Variants in GLTP observed in about 807,000 individuals in gnomAD.
GLTP encodes the protein glycolipid transfer protein.
In GLTP, 22 loss-of-function variants were observed where a neutral mutation model predicts 24.0. That is an observed-to-expected ratio of 0.92 (90% confidence interval 0.65 to 1.31). GLTP has a LOEUF of 1.31. GLTP is among the 50% of genes most tolerant of loss of function. GLTP has a pLI of 0.00. For missense variants in GLTP, 224 were observed against 276.6 expected, an observed-to-expected ratio of 0.81 and a Z score of 1.35; for synonymous variants, 92 against 115.9, an observed-to-expected ratio of 0.79 and a Z score of 1.33.
At position 109,851,288 on chromosome 12, in the gene GLTP, GC is replaced by G. The variant is rs1381000734; in HGVS notation, c.*1266del. The G allele has an allele frequency of 3.9e-5, 6 of 152,350 alleles. No homozygotes were observed. Among genetic ancestry groups the G allele is most frequent in the African/African-American group, 1.4e-4 (6 of 41,402 alleles). The allele number at this position is 152,350 out of a possible 1,614,324, so 9.4% of individuals were successfully genotyped here. On this transcript the variant is annotated 3_prime_UTR_variant, in exon 5 of 5. Transcript: ENST00000318348. ...GAGTCATCTATGGTCAATTGTTTGT[GC>G]CCTATAGCTTTGAAAGAAACGCCTC...
At position 109,880,214 on chromosome 12, in the gene GLTP, A is replaced by C; in HGVS notation, c.103+58T>G. ...AGATGGTTAGGGGATGCTCGGGGGA[A>C]GGAGGATTCGGGTGCGCGTGGGGCT... On this transcript the variant is annotated intron_variant, in intron 1 of 4. Coordinates refer to ENST00000318348, the MANE Select transcript of GLTP (RefSeq NM_016433.4). The surrounding 1 kb of genome is among the most constrained non-coding windows in gnomAD (Gnocchi z 5.1). The C allele has an allele frequency of 1.0e-6, 1 of 999,300 alleles. No homozygotes were observed. The highest frequency in any genetic ancestry group is 1.5e-6 in the Non-Finnish European group (1 of 648,642). 61.9% of individuals were successfully genotyped at this position (999,300 alleles called of 1,614,324 possible). A position where few individuals can be genotyped will look rare whatever the true frequency, so the allele number is the denominator to read the frequency against.
intron 1 of GLTP, among the ~76,000 whole-genome samples, chr12:109,877,148 C>T (rs1238608092): frequency 2.0e-5 from 3 of 152,230 alleles, no homozygotes; most frequent in Admixed American, 6.5e-5. Context: ...GCCACCGCAC[C>T]AGCCCATACT....
At position 109,858,706 on chromosome 12, in the gene GLTP, C is replaced by T. The variant is rs1592889320; in HGVS notation, c.139G>A (p.Ala47Thr). Residue 47 changes from alanine (A) to threonine (T), a missense_variant, in exon 2 of 5, where the codon GCA becomes ACA. Coordinates refer to ENST00000318348, the MANE Select transcript of GLTP (RefSeq NM_016433.4). Reference protein sequence around the residue: ...LGSPVFTPIKADISGNITKIK... With the variant: ...LGSPVFTPIKTDISGNITKIK... ...ACCGTGATGTTGCCGCTTATGTCTG[C>T]CTTGATGGGAGTAAACACTGGGGAC... 6.2e-7 allele frequency: 1 copy of T among 1,613,100 alleles called. No homozygotes were observed.
chr12:109,866,392 T>C (rs1868529891), intron 1 of GLTP: 1 of 152,230 alleles, frequency 6.6e-6, no homozygotes, highest in African/African-American at 2.4e-5. Flanking sequence ...ATGCCAAACT[T>C]AGTGCAGACA....
chr12:109,856,028 G>C (rs1565897138), intron 3 of GLTP, among the ~76,000 whole-genome samples: 1 of 149,952 alleles, frequency 6.7e-6, no homozygotes, highest in Non-Finnish European at 1.5e-5. Flanking sequence ...AGATCCACGA[G>C]GGGTGGGTCT....
intron 3 of GLTP, among the ~76,000 whole-genome samples, chr12:109,856,927 A>T (rs1021795703): frequency 2.0e-5 from 3 of 152,116 alleles, no homozygotes; most frequent in Non-Finnish European, 4.4e-5. Flanking sequence ...CCAGCTATTC[A>T]GGAGGCTGAG....
Position 109,852,725 on chromosome 12 carries a change from C to T in GLTP, c.460G>A (p.Ala154Thr), listed in dbSNP as rs752003092. 4.3e-5 allele frequency: 69 copies of T among 1,610,858 alleles called. No homozygotes were observed. Among genetic ancestry groups the T allele is most frequent in the South Asian group, 3.0e-4 (27 of 90,972 alleles). Residue 154 changes from alanine to threonine, a missense_variant, in exon 5 of 5, where the codon GCA becomes ACA. Physicochemically the swap from Ala to Thr is moderately conservative, Grantham distance 58. Coordinates refer to ENST00000318348, the MANE Select transcript of GLTP (RefSeq NM_016433.4). ...AGGAAGTCAGACTTATAGGGTGCTG[C>T]GTACAGTGCTGCCTTGAGACAGGCA... is the stretch of plus-strand genomic sequence containing the variant. ...VQKIFQAALY[A>T]APYKSDFLKA...
At chr12:109,860,935 A>G (rs1868355684) in intron 1 of GLTP, among the ~76,000 whole-genome samples, 1 of 152,188 alleles carries the variant, frequency 6.6e-6, no homozygotes. Flanking sequence ...TTGAGCCTGA[A>G]GACAGATTAC....
At position 109,853,644 on chromosome 12, in the gene GLTP, C is replaced by T. The variant is rs531098592; in HGVS notation, c.448-907G>A. Among the ~76,000 whole-genome samples the T allele has an allele frequency of 7.4e-5, 11 of 149,076 alleles. No homozygotes were observed. The East Asian group carries it at 1.2e-3, about 16-fold the overall frequency. The stretch of plus-strand genomic sequence containing the variant: ...CAGAGGTTGCAGTGAGCTGAGATCA[C>T]GCCACTGCACTGCAGCCTGGGTGAC... On this transcript the variant is annotated intron_variant, in intron 4 of 4. Coordinates refer to ENST00000318348, the MANE Select transcript of GLTP (RefSeq NM_016433.4).
Position 109,880,424 on chromosome 12 carries a change from A to C in GLTP, c.-50T>G. ...GCCCCAGCCGGCGCCGCGGGCGTCG[A>C]CACCGCCCCCCCGGCCGCCGCCGTC... On this transcript the variant is annotated 5_prime_UTR_variant, in exon 1 of 5. Transcript: ENST00000318348. The surrounding 1 kb of genome is among the most constrained non-coding windows in gnomAD (Gnocchi z 5.1). 233 of 693,208 alleles carry C rather than the reference A, an allele frequency of 3.4e-4. No individual in the cohort carries two copies. Among genetic ancestry groups the C allele is most frequent in the Middle Eastern group, 1.1e-3 (2 of 1,762 alleles). The allele number at this position is 693,208 out of a possible 1,614,324, so 42.9% of individuals were successfully genotyped here. A position where few individuals can be genotyped will look rare whatever the true frequency, so the allele number is the denominator to read the frequency against.
chr12:109,854,960 C>T lies in GLTP; in HGVS notation c.447+659G>A, dbSNP rs540664720. Among the ~76,000 whole-genome samples, 3 of 152,354 alleles carry T rather than the reference C, an allele frequency of 2.0e-5. No homozygotes were observed. In the East Asian group the frequency reaches 5.8e-4, roughly 29 times the overall value. On this transcript the variant is annotated intron_variant, in intron 4 of 4. Coordinates refer to ENST00000318348, the MANE Select transcript of GLTP (RefSeq NM_016433.4). ...CGCCAGGGTGGGCAGGCAGAGGGAG[C>T]TGCAGCAGAAAGGGTGGCCAGAACA...
At chr12:109,877,775 C>T (rs890528567) in intron 1 of GLTP, among the ~76,000 whole-genome samples, 2 of 152,252 alleles carry the variant, frequency 1.3e-5, no homozygotes, top group Admixed American at 6.5e-5. Flanking sequence ...AGAAAAAGCC[C>T]CTGCATCACA....
chr12:109,855,591 T>C lies in GLTP; in HGVS notation c.447+28A>G, dbSNP rs773540874. The stretch of plus-strand genomic sequence containing the variant: ...GGGAGCAGAATCTGCAAGCTGGTGG[T>C]CCTTTGGGGCTCATGGGGGTGGCTC... On this transcript the variant is annotated intron_variant, in intron 4 of 4. Coordinates refer to ENST00000318348, the MANE Select transcript of GLTP (RefSeq NM_016433.4). The surrounding 1 kb of genome is among the most constrained non-coding windows in gnomAD (Gnocchi z 4.1). 3.3e-5 allele frequency: 50 copies of C among 1,518,300 alleles called. No homozygotes were observed. In the South Asian group the frequency reaches 6.2e-4, roughly 19 times the overall value. The allele number at this position is 1,518,300 out of a possible 1,614,324, so 94.1% of individuals were successfully genotyped here.
intron 4 of GLTP, 98 bp from the exon 5 acceptor site, chr12:109,852,835 G>C: frequency 1.4e-6 from 1 of 718,674 alleles, no homozygotes; most frequent in South Asian, 1.7e-5. Flanking sequence ...CCCTGGGTCT[G>C]TGCTGGACAG....
chr12:109,878,110 T>C (rs1868942573), intron 1 of GLTP, among the ~76,000 whole-genome samples: 1 of 152,114 alleles, frequency 6.6e-6, no homozygotes, highest in African/African-American at 2.4e-5. Context: ...CAAGGGTCCT[T>C]TGAGACCAAG....
At chr12:109,876,285 A>G (rs967212086) in intron 1 of GLTP, among the ~76,000 whole-genome samples, 2 of 152,110 alleles carry the variant, frequency 1.3e-5, no homozygotes, top group Non-Finnish European at 2.9e-5. Context: ...GGAGGTTGCT[A>G]TGAGCCGAGA....
At chr12:109,877,096 C>A (rs951120525) in intron 1 of GLTP, among the ~76,000 whole-genome samples, 1 of 152,208 alleles carries the variant, frequency 6.6e-6, no homozygotes, top group East Asian at 1.9e-4. Flanking sequence ...TCAAGAGATC[C>A]GCCCACCTTG....
chr12:109,869,917 T>C (rs1371260295), intron 1 of GLTP, among the ~76,000 whole-genome samples: 1 of 151,864 alleles, frequency 6.6e-6, no homozygotes, highest in African/African-American at 2.4e-5. Context: ...CCACCATGCC[T>C]GGCTAATTTT....
In GLTP at chr12:109,855,086, C is replaced by T. The variant is rs1352977952; in HGVS notation, c.447+533G>A. Among the ~76,000 whole-genome samples the T allele has an allele frequency of 1.3e-5, 2 of 152,230 alleles. No homozygotes were observed. Among genetic ancestry groups the T allele is most frequent in the African/African-American group, 4.8e-5 (2 of 41,468 alleles). On this transcript the variant is annotated intron_variant, in intron 4 of 4. Transcript: ENST00000318348. This position sits in a 1 kb window ranked among gnomAD's most constrained non-coding sequence, Gnocchi z 4.1. ...GCCTTCGCAAGTCTCCTGAGCAGGG[C>T]TGTCCGCCTGGTGATCAACTGTAGG...
Sources: gnomAD v4.1 joint callset for allele counts (sites outside exome capture counted in the v4.1 genomes callset) on GRCh38, gnomAD v4.1.1 for gene constraint, Gnocchi (gnomAD v3.1) non-coding constraint, MANE v1.5 for transcripts, NCBI Gene and HGNC (gene_info 2026-07-23, HGNC 2026-07-21) for gene names.